The following ZNF385B variants were observed in gnomAD, a reference collection of about 807,000 sequenced individuals.
ZNF385B encodes the protein zinc finger protein 533.
ZNF385B carries 23 observed loss-of-function variants against 39.2 expected under a neutral mutation model. The ratio of observed to expected loss-of-function variants is 0.59; its 90% confidence interval spans 0.42 to 0.83. ZNF385B has a LOEUF of 0.83. ZNF385B is among the 40% of genes least tolerant of loss of function. The pLI, the probability that ZNF385B is intolerant of heterozygous loss-of-function variation, is 0.00. For synonymous variants in ZNF385B, 205 were observed against 222.6 expected (o/e 0.92, Z 0.70); for missense variants, 552 against 598.9 (o/e 0.92, Z 0.82).
At chr2:179,588,045 T>C (rs1299360034) in intron 3 of ZNF385B, among the ~76,000 whole-genome samples, 1 of 152,132 alleles carries the variant, frequency 6.6e-6, no homozygotes, top group Non-Finnish European at 1.5e-5. Flanking sequence ...TGCCAGTTTC[T>C]AACCTCCATC....
intron 4 of ZNF385B, among the ~76,000 whole-genome samples, chr2:179,521,353 G>GTTTTTTTTTTTTTTTTTTTTTTTTTT (rs56392185): frequency 1.7e-4 from 18 of 108,164 alleles, no homozygotes; most frequent in East Asian, 2.7e-4. Flanking sequence ...CACCTGGCCA[G>GTTTTTTTTTTTTTTTTTTTTTTTTTT]TTTTTTTTTT....
chr2:179,689,416 G>C (rs747409592), intron 3 of ZNF385B, among the ~76,000 whole-genome samples: 2 of 152,190 alleles, frequency 1.3e-5, no homozygotes, highest in Admixed American at 1.3e-4. Context: ...ACTCAGTCCA[G>C]TATTGGGCTA....
At chr2:179,613,856 C>G (rs191968343) in intron 3 of ZNF385B, among the ~76,000 whole-genome samples, 2 of 152,240 alleles carry the variant, frequency 1.3e-5, no homozygotes, top group Admixed American at 1.3e-4. Context: ...ACACTTTATT[C>G]TGTGGTGGCA....
rs747743696 is a variant in ZNF385B, at chr2:179,443,202, T to G, written c.*48A>C. On this transcript the variant is annotated 3_prime_UTR_variant, in exon 10 of 10. Transcript: ENST00000410066. ...TTAAATTGCTGAATCCTTGTGGCTT[T>G]CTTTCTCAACTTCCTACTGGCCTCA... 2 of 1,607,514 alleles carry G rather than the reference T, an allele frequency of 1.2e-6. No individual in the cohort carries two copies. The highest frequency in any genetic ancestry group is 1.1e-5 in the South Asian group (1 of 90,770).
At chr2:179,624,539 A>G (rs193142943) in intron 3 of ZNF385B, among the ~76,000 whole-genome samples, 189 of 152,376 alleles carry the variant, frequency 1.2e-3, no homozygotes, top group South Asian at 3.3e-3. Context: ...TGAAGCAAGA[A>G]TAGTACTACT....
intron 3 of ZNF385B, among the ~76,000 whole-genome samples, chr2:179,636,150 G>A (rs1588850): frequency 0.38 from 58,305 of 151,972 alleles, 11,360 homozygotes; most frequent in African/African-American, 0.46. Context: ...ATGTTTGGTG[G>A]TTGAAAATTT....
chr2:179,792,019 T>C lies in ZNF385B; in HGVS notation c.-154-21347A>G, dbSNP rs376207643. On this transcript the variant is annotated intron_variant, in intron 1 of 9. Coordinates refer to ENST00000410066, the MANE Select transcript of ZNF385B (RefSeq NM_152520.6). ...TCAAGTGACCCACCTGCCTTGGCCT[T>C]CCAAAGTGCTGGGATTACAGACATG... Among the ~76,000 whole-genome samples the C allele has an allele frequency of 5.3e-5, 8 of 152,002 alleles. 1 individual carries two copies. The highest frequency in any genetic ancestry group is 1.9e-4 in the African/African-American group (8 of 41,486).
intron 4 of ZNF385B, among the ~76,000 whole-genome samples, chr2:179,529,083 G>T (rs1387894912): frequency 6.6e-6 from 1 of 152,050 alleles, no homozygotes; most frequent in Non-Finnish European, 1.5e-5. Context: ...TGGCGTTGAT[G>T]TTCCTATTTG....
At chr2:179,679,785 C>G (rs940326155) in intron 3 of ZNF385B, among the ~76,000 whole-genome samples, 2 of 152,118 alleles carry the variant, frequency 1.3e-5, no homozygotes, top group East Asian at 1.9e-4. Flanking sequence ...CACAGTTTAT[C>G]AACTGATTCT....
chr2:179,540,477 C>A (rs926755269), intron 4 of ZNF385B, among the ~76,000 whole-genome samples: 1 of 150,842 alleles, frequency 6.6e-6, no homozygotes, highest in Non-Finnish European at 1.5e-5. Context: ...AAACACCAAC[C>A]AAACAACAAC....
At chr2:179,688,966 A>G (rs1337365201) in intron 3 of ZNF385B, among the ~76,000 whole-genome samples, 6 of 152,228 alleles carry the variant, frequency 3.9e-5, no homozygotes, top group Admixed American at 2.0e-4. Context: ...AAATATGTTG[A>G]ATATTTGTAT....
At chr2:179,605,659 T>G (rs1688744050) in intron 3 of ZNF385B, among the ~76,000 whole-genome samples, 6 of 152,184 alleles carry the variant, frequency 3.9e-5, no homozygotes, top group Admixed American at 3.3e-4. Flanking sequence ...GAAAAGTGAA[T>G]TGTCAGAAAT....
intron 3 of ZNF385B, among the ~76,000 whole-genome samples, chr2:179,634,810 C>A (rs1226069140): frequency 6.6e-6 from 1 of 152,062 alleles, no homozygotes; most frequent in East Asian, 1.9e-4. Context: ...ACCCAGATGT[C>A]CCTCAATGAT....
At chr2:179,467,967 G>T (rs1296709646) in intron 6 of ZNF385B, among the ~76,000 whole-genome samples, 1 of 152,188 alleles carries the variant, frequency 6.6e-6, no homozygotes, top group Non-Finnish European at 1.5e-5. Context: ...GGATGTCACT[G>T]CTCTTTCCAT....
At chr2:179,541,844 A>C (rs2059937152) in intron 4 of ZNF385B, among the ~76,000 whole-genome samples, 1 of 152,190 alleles carries the variant, frequency 6.6e-6, no homozygotes, top group South Asian at 2.1e-4. Context: ...CTTTGTTCAC[A>C]ATGAATGAGG....
chr2:179,495,648 T>C (rs6724236), intron 5 of ZNF385B, among the ~76,000 whole-genome samples: 126,609 of 152,130 alleles, frequency 0.83, 52,986 homozygotes, highest in South Asian at 0.93. Flanking sequence ...CTTTAGGTGG[T>C]TTAGAATGGA....
At chr2:179,458,937 T>C (rs1041944727) in intron 6 of ZNF385B, among the ~76,000 whole-genome samples, 3 of 152,240 alleles carry the variant, frequency 2.0e-5, no homozygotes, top group Non-Finnish European at 4.4e-5. Context: ...AATAAACTTC[T>C]TTGTTTTCAT....
chr2:179,729,719 T>A (rs1249051649), intron 3 of ZNF385B, among the ~76,000 whole-genome samples: 1 of 152,190 alleles, frequency 6.6e-6, no homozygotes, highest in Non-Finnish European at 1.5e-5. Flanking sequence ...GTAATCCCCA[T>A]AATGCCCATG....
intron 1 of ZNF385B, among the ~76,000 whole-genome samples, chr2:179,772,397 G>T (rs966278736): frequency 6.6e-6 from 1 of 152,126 alleles, no homozygotes; most frequent in African/African-American, 2.4e-5. Context: ...ATGCCTGGGG[G>T]TGGGGTATGC....
Sources: allele counts gnomAD v4.1 joint callset (sites outside exome capture counted in the v4.1 genomes callset), GRCh38; gene constraint gnomAD v4.1.1; transcripts MANE v1.5; gene names NCBI Gene and HGNC (gene_info 2026-07-23, HGNC 2026-07-21).